ATXN10: variants seen among roughly 807,000 people sequenced by gnomAD.
ATXN10 encodes the protein ataxin 10.
A neutral mutation model predicts 52.9 loss-of-function variants in ATXN10; 28 were observed. That is an observed-to-expected ratio of 0.53 (90% CI 0.39 to 0.73). The LOEUF (loss-of-function observed/expected upper bound fraction) is 0.73, where lower values mean the gene tolerates loss of function less well. Among genes scored for constraint, ATXN10 ranks in the 30% least tolerant of loss-of-function variants. The pLI, the probability that ATXN10 is intolerant of heterozygous loss-of-function variation, is 0.00. For synonymous variants in ATXN10, 226 were observed against 221.5 expected (o/e 1.02, Z -0.18); for missense variants, 565 against 577.0 (o/e 0.98, Z 0.21).
intron 9 of ATXN10, among the ~76,000 whole-genome samples, chr22:45,761,115 G>GTATTT (rs765851845): frequency 2.2e-4 from 34 of 152,172 alleles, no homozygotes; most frequent in African/African-American, 6.0e-4. Context: ...GGTGACCTCA[G>GTATTT]TATTTTATTT....
chr22:45,720,001 T>A (rs550927113), intron 6 of ATXN10, among the ~76,000 whole-genome samples: 6 of 152,196 alleles, frequency 3.9e-5, no homozygotes, highest in Admixed American at 3.9e-4. Flanking sequence ...GAAAAAAAAA[T>A]AGTTTTTCAG....
At chr22:45,706,389 CTA>C (rs1256099613) in intron 5 of ATXN10, among the ~76,000 whole-genome samples, 2 of 152,138 alleles carry the variant, frequency 1.3e-5, no homozygotes, top group Non-Finnish European at 2.9e-5. Flanking sequence ...CAGTTATTCT[CTA>C]TTTCATTTCT....
Position 45,806,982 on chromosome 22 carries a change from G to T in ATXN10, c.1197G>T (p.Pro399=), listed in dbSNP as rs763950008. The T allele has an allele frequency of 9.3e-6, 15 of 1,613,744 alleles. No individual in the cohort carries two copies. Among genetic ancestry groups the T allele is most frequent in the Admixed American group, 1.7e-5 (1 of 59,998 alleles). Residue 399 remains proline (P), a synonymous_variant, in exon 10 of 12, where the codon CCG becomes CCT. Coordinates refer to ENST00000252934, the MANE Select transcript of ATXN10 (RefSeq NM_013236.4). ...QDKVNELDGI[P]LILDNCNISD... is the part of the protein sequence containing the mutation. The stretch of plus-strand genomic sequence containing the variant: ...AGGTAAATGAGCTGGATGGTATCCC[G>T]TTGATCCTGGACAACTGCAACATCA...
intron 9 of ATXN10, among the ~76,000 whole-genome samples, chr22:45,779,785 T>C (rs1279941555): frequency 6.6e-6 from 1 of 152,178 alleles, no homozygotes; most frequent in East Asian, 1.9e-4. Context: ...CTAGCAGAGA[T>C]GAAATAGAAT....
intron 9 of ATXN10, among the ~76,000 whole-genome samples, chr22:45,746,714 C>T (rs1434156750): frequency 6.6e-6 from 1 of 152,132 alleles, no homozygotes; most frequent in African/African-American, 2.4e-5. Flanking sequence ...AACTCAAGGT[C>T]ACAGGTACCC....
intron 7 of ATXN10, among the ~76,000 whole-genome samples, chr22:45,734,974 TC>T (rs1441000035): frequency 1.3e-5 from 2 of 151,808 alleles, no homozygotes; most frequent in East Asian, 3.9e-4. Context: ...AACCTCCGTC[TC>T]CCAGGTTCAA....
intron 9 of ATXN10, among the ~76,000 whole-genome samples, chr22:45,749,686 C>T (rs1038215533): frequency 1.3e-5 from 2 of 151,848 alleles, no homozygotes; most frequent in Non-Finnish European, 1.5e-5. Context: ...CTCAGCCTCC[C>T]ACATAACTGG....
At chr22:45,731,207 G>A (rs979424929) in intron 7 of ATXN10, among the ~76,000 whole-genome samples, 2 of 152,214 alleles carry the variant, frequency 1.3e-5, no homozygotes, top group Non-Finnish European at 2.9e-5. Flanking sequence ...AATCTCAGAA[G>A]TGCTGAGGGA....
chr22:45,768,095 A>T (rs1431728840), intron 9 of ATXN10, among the ~76,000 whole-genome samples: 2 of 152,178 alleles, frequency 1.3e-5, no homozygotes, highest in Admixed American at 1.3e-4. Context: ...CATGGTTAGT[A>T]TTTTTCTTTC....
Position 45,696,840 on chromosome 22 carries a change from A to G in ATXN10, c.392-3442A>G, listed in dbSNP as rs949053161. On this transcript the variant is annotated intron_variant, in intron 3 of 11. Transcript: ENST00000252934. The surrounding 1 kb of genome is among the most constrained non-coding windows in gnomAD (Gnocchi z 4.7). ...GACCTAAGAAAAAATTTAACGGAGC[A>G]GATATCTGAAACTACTTTTATGAAC... Among the ~76,000 whole-genome samples the G allele has an allele frequency of 2.6e-5, 4 of 152,246 alleles. No homozygotes were observed. Among genetic ancestry groups the G allele is most frequent in the Non-Finnish European group, 5.9e-5 (4 of 68,040 alleles).
At position 45,701,472 on chromosome 22, in the gene ATXN10, C is replaced by G. The variant is rs1923843460; in HGVS notation, c.488+1094C>G. ...GATAAACTCTAATTCACCTGTAGCTCATGGAATTTCTCAAATTCCTGCAAA... is the reference window on the plus strand; with the variant it reads ...GATAAACTCTAATTCACCTGTAGCTGATGGAATTTCTCAAATTCCTGCAAA... On this transcript the variant is annotated intron_variant, in intron 4 of 11. Transcript: ENST00000252934. This position sits in a 1 kb window ranked among gnomAD's most constrained non-coding sequence, Gnocchi z 4.2. Among the ~76,000 whole-genome samples the G allele has an allele frequency of 1.3e-5, 2 of 152,106 alleles. No individual in the cohort carries two copies. The highest frequency in any genetic ancestry group is 4.1e-4 in the South Asian group (2 of 4,828).
Position 45,781,965 on chromosome 22 carries a change from T to C in ATXN10, c.1174-24994T>C, listed in dbSNP as rs79917314. On this transcript the variant is annotated intron_variant, in intron 9 of 11. Transcript: ENST00000252934. This position sits in a 1 kb window ranked among gnomAD's most constrained non-coding sequence, Gnocchi z 4.2. ...GACTGTACAAAAAAGTTAACCAAGC[T>C]TCAGGGATATGTGGGACTTTAATAA... Among the ~76,000 whole-genome samples the C allele has an allele frequency of 0.029, 4,344 of 152,278 alleles. 107 individuals carry two copies. The highest frequency in any genetic ancestry group is 0.042 in the Non-Finnish European group (2,872 of 68,016).
At chr22:45,694,272 A>G (rs1374332386) in intron 3 of ATXN10, among the ~76,000 whole-genome samples, 1 of 152,182 alleles carries the variant, frequency 6.6e-6, no homozygotes. Flanking sequence ...TAATGTTTAA[A>G]AAAAAAACGT....
intron 10 of ATXN10, among the ~76,000 whole-genome samples, chr22:45,813,237 T>A (rs567469264): frequency 6.6e-6 from 1 of 152,320 alleles, no homozygotes; most frequent in African/African-American, 2.4e-5. Context: ...TTGTTGTTGT[T>A]GTTTCCAAAT....
In ATXN10 at chr22:45,754,125, G is replaced by A. The variant is rs1372462702; in HGVS notation, c.1173+13587G>A. ...GTTCCTGAGCCTTATGGGGTTAAGTGCAAAAGTGAGTCCTGTCAGCTAAGC... is the reference window on the plus strand; with the variant it reads ...GTTCCTGAGCCTTATGGGGTTAAGTACAAAAGTGAGTCCTGTCAGCTAAGC... On this transcript the variant is annotated intron_variant, in intron 9 of 11. Transcript: ENST00000252934. The surrounding 1 kb of genome is among the most constrained non-coding windows in gnomAD (Gnocchi z 5.4). 6.6e-6 allele frequency among the ~76,000 whole-genome samples: 1 copy of A among 152,220 alleles called. No homozygotes were observed. Among genetic ancestry groups the A allele is most frequent in the Non-Finnish European group, 1.5e-5 (1 of 68,042 alleles).
chr22:45,793,772 A>C (rs564045698), intron 9 of ATXN10: 1 of 1,355,818 alleles, frequency 7.4e-7, no homozygotes, highest in Admixed American at 3.4e-5. Flanking sequence ...CCAGTGATGC[A>C]GGACAGGTAA....
At chr22:45,778,423 A>T (rs556040624) in intron 9 of ATXN10, among the ~76,000 whole-genome samples, 1 of 152,270 alleles carries the variant, frequency 6.6e-6, no homozygotes, top group South Asian at 2.1e-4. Context: ...CCTAGGGAGG[A>T]TGAGATGAAT....
chr22:45,751,165 A>G (rs1925933181), intron 9 of ATXN10, among the ~76,000 whole-genome samples: 2 of 152,072 alleles, frequency 1.3e-5, no homozygotes, highest in South Asian at 4.1e-4. Flanking sequence ...TCCTGACCTC[A>G]AGTGATCTGC....
intron 8 of ATXN10, among the ~76,000 whole-genome samples, chr22:45,739,847 T>G (rs543328333): frequency 6.6e-6 from 1 of 152,252 alleles, no homozygotes; most frequent in African/African-American, 2.4e-5. Context: ...AGTAGAGCAG[T>G]GGTAAGTTCT....
Sources: allele counts gnomAD v4.1 joint callset (sites outside exome capture counted in the v4.1 genomes callset), GRCh38; gene constraint gnomAD v4.1.1; non-coding constraint Gnocchi (gnomAD v3.1); transcripts MANE v1.5; gene names NCBI Gene and HGNC (gene_info 2026-07-23, HGNC 2026-07-21).